Variants in CALN1 observed in about 807,000 individuals in gnomAD.
The protein encoded by CALN1 is calneuron 1.
A neutral mutation model predicts 30.6 loss-of-function variants in CALN1; 17 were observed. The ratio of observed to expected loss-of-function variants is 0.56; its 90% CI spans 0.38 to 0.83. CALN1 has a LOEUF of 0.83. CALN1 is among the 40% of genes least tolerant of loss of function. The probability of loss-of-function intolerance (pLI) is 0.00; values close to 1 mark genes in which losing one functional copy is unlikely to be tolerated. For missense variants in CALN1, 291 were observed against 354.9 expected (o/e 0.82, Z 1.45); for synonymous variants, 156 against 131.4 (o/e 1.19, Z -1.28).
chr7:72,210,098 T>TGAA (rs555730227), intron 3 of CALN1, among the ~76,000 whole-genome samples: 101 of 152,280 alleles, frequency 6.6e-4, no homozygotes, highest in African/African-American at 2.1e-3. Flanking sequence ...TTTTGTCCTA[T>TGAA]GAAGAAGGAC....
intron 2 of CALN1, among the ~76,000 whole-genome samples, chr7:72,378,665 A>T (rs1013487389): frequency 3.5e-5 from 5 of 142,616 alleles, no homozygotes; most frequent in Non-Finnish European, 1.5e-5. Context: ...GTAATGTTAT[A>T]ATTTTTATTT....
intron 3 of CALN1, among the ~76,000 whole-genome samples, chr7:72,158,614 T>A (rs1325175724): frequency 4.6e-5 from 7 of 152,144 alleles, no homozygotes; most frequent in Non-Finnish European, 1.0e-4. Flanking sequence ...GGGTAGGCTT[T>A]CCTTCCCCGT....
At chr7:72,095,866 T>C (rs1030907327) in intron 4 of CALN1, among the ~76,000 whole-genome samples, 1 of 151,970 alleles carries the variant, frequency 6.6e-6, no homozygotes, top group Non-Finnish European at 1.5e-5. Flanking sequence ...ACTTCATTGC[T>C]ACAAATAATA....
rs566866461 is a variant in CALN1, at chr7:71,780,010, C to A, written c.*7765G>T. 7 of 152,170 alleles carry A rather than the reference C, an allele frequency of 4.6e-5. No homozygotes were observed. The highest frequency in any genetic ancestry group is 1.7e-4 in the African/African-American group (7 of 41,428). The allele number at this position is 152,170 out of a possible 1,614,324, so 9.4% of individuals were successfully genotyped here. On this transcript the variant is annotated 3_prime_UTR_variant, in exon 7 of 7. Transcript: ENST00000395275. ...CAACTCACGTCCCAAGTCTAATGACCGCTACGATCACAGCGACCCCTCCTC... is the reference window on the plus strand; with the variant it reads ...CAACTCACGTCCCAAGTCTAATGACAGCTACGATCACAGCGACCCCTCCTC...
chr7:71,932,678 G>A (rs898213312), intron 5 of CALN1, among the ~76,000 whole-genome samples: 8 of 151,500 alleles, frequency 5.3e-5, no homozygotes, highest in East Asian at 2.0e-4. Flanking sequence ...TTAGCTGGGC[G>A]TGGTGGCGGG....
At chr7:72,175,595 A>C (rs1789289838) in intron 3 of CALN1, among the ~76,000 whole-genome samples, 1 of 152,144 alleles carries the variant, frequency 6.6e-6, no homozygotes, top group Non-Finnish European at 1.5e-5. Flanking sequence ...TTTCCTAACC[A>C]GGAAGAATAA....
chr7:72,074,745 T>A (rs996724770), intron 4 of CALN1, among the ~76,000 whole-genome samples: 1 of 152,124 alleles, frequency 6.6e-6, no homozygotes, highest in Non-Finnish European at 1.5e-5. Context: ...TGGCATCAGA[T>A]TCAGTGCCCT....
At chr7:71,809,952 C>A (rs1280640462) in intron 6 of CALN1, among the ~76,000 whole-genome samples, 1 of 151,908 alleles carries the variant, frequency 6.6e-6, no homozygotes, top group African/African-American at 2.4e-5. Flanking sequence ...CCATCCTTTG[C>A]CCAAGGTCAC....
upstream of CALN1, among the ~76,000 whole-genome samples, chr7:72,414,953 G>A (rs1005242864): frequency 2.5e-4 from 38 of 152,222 alleles, 1 homozygote. Context: ...TTTAAATGAG[G>A]TTTTAAGGGT....
intron 2 of CALN1, among the ~76,000 whole-genome samples, chr7:72,379,943 C>A (rs957807795): frequency 6.6e-6 from 1 of 152,210 alleles, no homozygotes; most frequent in African/African-American, 2.4e-5. Flanking sequence ...CTTCACTCAA[C>A]TTCTCTGTTT....
At chr7:72,162,616 G>C (rs559806292) in intron 3 of CALN1, among the ~76,000 whole-genome samples, 3 of 152,174 alleles carry the variant, frequency 2.0e-5, no homozygotes, top group Non-Finnish European at 2.9e-5. Flanking sequence ...GTGCATGCCT[G>C]TAATCCTAGC....
rs1414440598 is a variant in CALN1, at chr7:72,121,857, T to G, written c.245-15563A>C. ...AACCTGTTTATCATTATAATATCTA[T>G]TATATAATTATATATTAATTATAAA... On this transcript the variant is annotated intron_variant, in intron 3 of 6. Coordinates refer to ENST00000395275, the MANE Select transcript of CALN1 (RefSeq NM_031468.4). Among the ~76,000 whole-genome samples, 5 of 147,534 alleles carry G rather than the reference T, an allele frequency of 3.4e-5. No individual in the cohort carries two copies. The East Asian group carries it at 9.7e-4, about 29-fold the overall frequency.
At chr7:72,202,159 C>T (rs545331631) in intron 3 of CALN1, among the ~76,000 whole-genome samples, 11 of 151,942 alleles carry the variant, frequency 7.2e-5, no homozygotes, top group African/African-American at 2.7e-4. Flanking sequence ...TGCAAGAAAC[C>T]AAAAAGCATT....
Position 72,360,892 on chromosome 7 carries a change from T to C in CALN1, c.119+42359A>G, listed in dbSNP as rs149752864. On this transcript the variant is annotated intron_variant, in intron 2 of 6. Transcript: ENST00000395275. ...TACAGGTGCACACTACCATGCCGGG[T>C]TAATTTCTGTTTTTATTAGAGACAG... Among the ~76,000 whole-genome samples, 1,131 of 151,220 alleles carry C rather than the reference T, an allele frequency of 7.5e-3. 4 individuals carry two copies. Among genetic ancestry groups the C allele is most frequent in the Middle Eastern group, 0.027 (8 of 294 alleles).
intron 5 of CALN1, among the ~76,000 whole-genome samples, chr7:71,838,223 G>GA (rs1378223193): frequency 2.6e-5 from 4 of 152,230 alleles, no homozygotes; most frequent in East Asian, 1.9e-4. Flanking sequence ...AACTGGAAAT[G>GA]AAAAAATGAA....
intron 2 of CALN1, among the ~76,000 whole-genome samples, chr7:72,346,775 C>A (rs1396686581): frequency 6.6e-6 from 1 of 152,128 alleles, no homozygotes; most frequent in Non-Finnish European, 1.5e-5. Flanking sequence ...CTTGGCCTCC[C>A]AAAGTGTGGG....
chr7:72,376,425 T>C (rs1029210281), intron 2 of CALN1, among the ~76,000 whole-genome samples: 1 of 152,208 alleles, frequency 6.6e-6, no homozygotes, highest in Non-Finnish European at 1.5e-5. Context: ...TAGTGGGTTT[T>C]GATATTATTG....
chr7:72,477,685 G>A, the CALN1 span, among the ~76,000 whole-genome samples: 1 of 152,098 alleles, frequency 6.6e-6, no homozygotes, highest in African/African-American at 2.4e-5. Context: ...GCTTCCCAAA[G>A]TGCTAAGTCT....
At chr7:71,934,720 T>C (rs1183220959) in intron 5 of CALN1, among the ~76,000 whole-genome samples, 3 of 152,016 alleles carry the variant, frequency 2.0e-5, no homozygotes, top group Non-Finnish European at 2.9e-5. Context: ...TAGTCTGTTC[T>C]CATGTTGCTA....
Sources: allele counts gnomAD v4.1 joint callset (sites outside exome capture counted in the v4.1 genomes callset), GRCh38; gene constraint gnomAD v4.1.1; transcripts MANE v1.5; gene names NCBI Gene and HGNC (gene_info 2026-07-23, HGNC 2026-07-21).